CEP128: variants seen among roughly 807,000 people sequenced by gnomAD.
CEP128 encodes centrosomal protein 128kDa.
In CEP128, 132 loss-of-function variants were observed where a neutral mutation model predicts 156.7. The ratio of observed to expected loss-of-function variants is 0.84; its 90% CI spans 0.73 to 0.97. The LOEUF (loss-of-function observed/expected upper bound fraction) is 0.97, where lower values mean the gene tolerates loss of function less well. CEP128 is among the 50% of genes least tolerant of loss of function. The pLI is 0.00. For missense variants in CEP128, 1,252 were observed against 1,281.9 expected (o/e 0.98, Z 0.36); for synonymous variants, 469 against 448.9 (o/e 1.04, Z -0.57).
chr14:80,507,652 C>T (rs190654542), intron 23 of CEP128, among the ~76,000 whole-genome samples: 198 of 152,252 alleles, frequency 1.3e-3, no homozygotes, highest in Admixed American at 2.5e-3. Context: ...GGAAAGCAAA[C>T]ACACACTTTT....
chr14:80,937,797 T>C (rs930558006), intron 2 of CEP128, among the ~76,000 whole-genome samples: 1 of 152,200 alleles, frequency 6.6e-6, no homozygotes, highest in Non-Finnish European at 1.5e-5. Flanking sequence ...TAGTTTTTAA[T>C]AACCTGGTAA....
intron 17 of CEP128, among the ~76,000 whole-genome samples, chr14:80,761,038 T>C (rs1290739926): frequency 6.6e-6 from 1 of 152,018 alleles, no homozygotes; most frequent in Non-Finnish European, 1.5e-5. Context: ...TTTCAGAGGA[T>C]AATGGAGAGA....
chr14:80,876,411 C>T (rs1280117775), intron 8 of CEP128, among the ~76,000 whole-genome samples: 2 of 152,008 alleles, frequency 1.3e-5, no homozygotes, highest in Admixed American at 1.3e-4. Flanking sequence ...TCCTGGCTAA[C>T]ATGATGAAAC....
At chr14:80,891,813 T>G (rs1889115875) in intron 8 of CEP128, among the ~76,000 whole-genome samples, 1 of 151,942 alleles carries the variant, frequency 6.6e-6, no homozygotes, top group Non-Finnish European at 1.5e-5. Flanking sequence ...ATATGTATAT[T>G]TCATGTTTTA....
chr14:80,664,255 G>C (rs72690934), intron 19 of CEP128, among the ~76,000 whole-genome samples: 19,707 of 152,104 alleles, frequency 0.13, 1,716 homozygotes, highest in East Asian at 0.42. Context: ...AGGCCTCAAG[G>C]CCTTCTGGCA....
intron 19 of CEP128, among the ~76,000 whole-genome samples, chr14:80,713,256 C>G (rs918959287): frequency 1.3e-5 from 2 of 152,036 alleles, no homozygotes; most frequent in African/African-American, 4.8e-5. Flanking sequence ...AATACCAGAC[C>G]ACATTTTCCG....
chr14:80,570,111 A>G (rs900257228), intron 20 of CEP128, among the ~76,000 whole-genome samples: 6 of 152,050 alleles, frequency 3.9e-5, no homozygotes, highest in African/African-American at 9.7e-5. Context: ...TACTTTTAAC[A>G]TATGTTCTTT....
intron 21 of CEP128, among the ~76,000 whole-genome samples, chr14:80,533,877 T>C (rs1453906383): frequency 6.6e-6 from 1 of 152,164 alleles, no homozygotes; most frequent in African/African-American, 2.4e-5. Flanking sequence ...CATAGAAAGA[T>C]CCACAAACAT....
chr14:80,764,931 A>G lies in CEP128; in HGVS notation c.2377-3318T>C, dbSNP rs571597472. ...GTCTCCATTGTCTGCATGTACTCCA[A>G]GATCCTAAATCCAAGAGTTAAGTAA... On this transcript the variant is annotated intron_variant, in intron 16 of 24. Transcript: ENST00000555265. Among the ~76,000 whole-genome samples the G allele has an allele frequency of 2.0e-5, 3 of 152,292 alleles. No homozygotes were observed. The East Asian group carries it at 5.8e-4, about 29-fold the overall frequency.
chr14:80,566,451 C>T (rs1890912207), intron 20 of CEP128, among the ~76,000 whole-genome samples: 1 of 152,142 alleles, frequency 6.6e-6, no homozygotes, highest in South Asian at 2.1e-4. Flanking sequence ...AAGGGAAAGG[C>T]TTTGATTAAT....
intron 8 of CEP128, among the ~76,000 whole-genome samples, chr14:80,867,205 C>T (rs896195503): frequency 2.0e-5 from 3 of 152,022 alleles, no homozygotes; most frequent in African/African-American, 7.2e-5. Context: ...AGACAGTGAA[C>T]CTGATAACTG....
chr14:80,855,199 T>C (rs1390690072), intron 9 of CEP128, among the ~76,000 whole-genome samples: 1 of 152,134 alleles, frequency 6.6e-6, no homozygotes, highest in African/African-American at 2.4e-5. Flanking sequence ...TTCAGCCTCT[T>C]GGTGGTTTGA....
At chr14:80,946,218 T>C (rs1016548356), upstream of CEP128, among the ~76,000 whole-genome samples, 1 of 152,044 alleles carries the variant, frequency 6.6e-6, no homozygotes, top group Admixed American at 6.5e-5. Context: ...GGCTGACAAA[T>C]ACTATGACAT....
At position 80,570,264 on chromosome 14, in the gene CEP128, C is replaced by T. The variant is rs143455546; in HGVS notation, c.2856+10110G>A. Among the ~76,000 whole-genome samples the T allele has an allele frequency of 2.3e-3, 351 of 152,108 alleles. 1 individual carries two copies. Among genetic ancestry groups the T allele is most frequent in the African/African-American group, 8.1e-3 (335 of 41,478 alleles). On this transcript the variant is annotated intron_variant, in intron 20 of 24. Coordinates refer to ENST00000555265, the MANE Select transcript of CEP128 (RefSeq NM_152446.5). ...TCCTGAGTAGCTGGGACTACAGATGCGCATCACCACGCCCGGCTAATTTTT... is the reference window on the plus strand; with the variant it reads ...TCCTGAGTAGCTGGGACTACAGATGTGCATCACCACGCCCGGCTAATTTTT...
intron 14 of CEP128, among the ~76,000 whole-genome samples, chr14:80,479,380 C>T (rs1454628603): frequency 1.3e-5 from 2 of 152,106 alleles, no homozygotes; most frequent in South Asian, 2.1e-4. Context: ...TAATTGGACT[C>T]GTAGTTCCAC....
At chr14:80,867,230 C>A (rs1393258751) in intron 8 of CEP128, among the ~76,000 whole-genome samples, 16 of 152,106 alleles carry the variant, frequency 1.1e-4, no homozygotes, top group Admixed American at 9.8e-4. Flanking sequence ...GACTGCTAAG[C>A]AACTAATGGG....
intron 23 of CEP128, among the ~76,000 whole-genome samples, chr14:80,508,335 C>T (rs1298292711): frequency 6.6e-6 from 1 of 152,084 alleles, no homozygotes; most frequent in African/African-American, 2.4e-5. Flanking sequence ...AAAAATTATT[C>T]AACAAATATT....
At chr14:80,640,415 T>C (rs1160025085) in intron 19 of CEP128, among the ~76,000 whole-genome samples, 1 of 152,190 alleles carries the variant, frequency 6.6e-6, no homozygotes, top group African/African-American at 2.4e-5. Context: ...AAAAGGGCTC[T>C]CATTTATTCT....
chr14:80,653,937 T>C (rs1595157911), intron 19 of CEP128, among the ~76,000 whole-genome samples: 1 of 152,134 alleles, frequency 6.6e-6, no homozygotes, highest in East Asian at 1.9e-4. Context: ...AACTTTTGGG[T>C]CAGTCATAAA....
Sources: gnomAD v4.1 joint callset for allele counts (sites outside exome capture counted in the v4.1 genomes callset) on GRCh38, gnomAD v4.1.1 for gene constraint, MANE v1.5 for transcripts, NCBI Gene and HGNC (gene_info 2026-07-23, HGNC 2026-07-21) for gene names.